The following FN1 variants were observed in gnomAD, a reference collection of about 807,000 sequenced individuals.
FN1 encodes fibronectin 1.
Under a neutral mutation model 297.3 loss-of-function variants are expected in FN1, and 106 were observed. That is an observed-to-expected ratio of 0.36 (90% CI 0.30 to 0.42). The LOEUF is 0.42. Among genes scored for constraint, FN1 ranks in the 10% least tolerant of loss-of-function variants. The probability of loss-of-function intolerance (pLI) is 1.00; values close to 1 mark genes in which losing one functional copy is unlikely to be tolerated. For missense variants in FN1, 2,690 were observed against 3,124.9 expected (o/e 0.86, Z 3.32); for synonymous variants, 1,149 against 1,152.6 (o/e 1.00, Z 0.06).
intron 36 of FN1, among the ~76,000 whole-genome samples, chr2:215,376,024 T>C (rs138371793): frequency 6.6e-6 from 1 of 152,206 alleles, no homozygotes; most frequent in African/African-American, 2.4e-5. Flanking sequence ...AGGTTTTCTC[T>C]TTACCGTAAT....
At chr2:215,414,602 C>A (rs2063165605) in intron 13 of FN1, 1 of 987,686 alleles carries the variant, frequency 1.0e-6, no homozygotes, top group Non-Finnish European at 1.4e-6. Flanking sequence ...CTAAATTCTT[C>A]CAAATACCAG....
Position 215,431,916 on chromosome 2 carries a change from C to T in FN1, c.464G>A (p.Arg155Lys). The T allele has an allele frequency of 6.2e-7, 1 of 1,614,158 alleles. No individual in the cohort carries two copies. Among genetic ancestry groups the T allele is most frequent in the Non-Finnish European group, 8.5e-7 (1 of 1,179,988 alleles). ...GQSYKIGDTW[R>K]RPHETGGYML... The stretch of plus-strand genomic sequence containing the variant: ...GTAACCACCAGTCTCATGTGGTCTC[C>T]TCCAGGTGTCACCAATCTTGTAGGA... Residue 155 changes from arginine to lysine, a missense_variant, in exon 4 of 46, where the codon AGG becomes AAG. Arg to Lys is a conservative substitution (Grantham distance 26). Coordinates refer to ENST00000354785, the MANE Select transcript of FN1 (RefSeq NM_212482.4).
rs73091322 is a variant in FN1 at position 215,425,535 on chromosome 2, T to C, written c.845-250A>G. 8.3e-3 allele frequency among the ~76,000 whole-genome samples: 1,263 copies of C among 152,216 alleles called. 18 individuals are homozygous for C. The highest frequency in any genetic ancestry group is 0.029 in the African/African-American group (1,215 of 41,536). ...GGGGCTACTGGGATTATATTTCTTT[T>C]TGTTTGTTTGTTTTTTGGTTTTTTG... is the stretch of plus-strand genomic sequence containing the variant. On this transcript the variant is annotated intron_variant, in intron 6 of 45. Coordinates refer to ENST00000354785, the MANE Select transcript of FN1 (RefSeq NM_212482.4).
intron 13 of FN1, among the ~76,000 whole-genome samples, chr2:215,412,278 G>A (rs2062767447): frequency 6.6e-6 from 1 of 151,638 alleles, no homozygotes; most frequent in Non-Finnish European, 1.5e-5. Context: ...TTGAGCCAAT[G>A]AGAAAGACAC....
chr2:215,417,295 AGAT>A (rs1162109194), intron 12 of FN1, among the ~76,000 whole-genome samples: 3 of 152,220 alleles, frequency 2.0e-5, no homozygotes, highest in African/African-American at 2.4e-5. Context: ...AAAATAGTTG[AGAT>A]GATACCAAAA....
rs2059899275 is a variant in FN1, at chr2:215,393,119, G to A, written c.3881C>T (p.Thr1294Ile). 6.2e-7 allele frequency: 1 copy of A among 1,614,068 alleles called. No homozygotes were observed. The highest frequency in any genetic ancestry group is 1.1e-5 in the South Asian group (1 of 91,078). The change falls in exon 25 of 46, where the codon ACC (threonine) becomes ATC (isoleucine). Residue 1294 changes from threonine to isoleucine, a missense_variant. Around this residue, in one of 3 missense-constraint regions of FN1, gnomAD observed 1,743 missense variants for 1,945.2 expected, o/e 0.90. Transcript: ENST00000354785. ...TACTGTGATGCGGTACCCAATAATG[G>A]TGGAAGAGTTTAGCGGGGTCCACCT... ...GLRWTPLNSS[T>I]IIGYRITVVA...
At position 215,361,171 on chromosome 2, in the gene FN1, G is replaced by A. The variant is rs761319819; in HGVS notation, c.*384C>T. 1.3e-4 allele frequency: 32 copies of A among 244,376 alleles called. No homozygotes were observed. Among genetic ancestry groups the A allele is most frequent in the African/African-American group, 6.3e-4 (28 of 44,614 alleles). The allele number at this position is 244,376 out of a possible 1,614,324, so 15.1% of individuals were successfully genotyped here. On this transcript the variant is annotated 3_prime_UTR_variant, in exon 46 of 46. Transcript: ENST00000354785. ...ACAGTATTGCGGGCCAGACACTTAA[G>A]TGAAAGCAGAAGTGTTTGGGTGACT...
chr2:215,425,722 T>G (rs961038715), intron 6 of FN1, among the ~76,000 whole-genome samples: 1 of 151,928 alleles, frequency 6.6e-6, no homozygotes, highest in African/African-American at 2.4e-5. Context: ...CCAGCTGATT[T>G]TTTTTGTATT....
intron 18 of FN1, 30 bp from the exon 19 acceptor site, chr2:215,406,540 C>T: frequency 1.2e-6 from 2 of 1,610,282 alleles, no homozygotes; most frequent in Non-Finnish European, 1.7e-6. Flanking sequence ...TGGTCATTCA[C>T]ATTCTCTGCT....
rs1431339254 is a variant in FN1, at chr2:215,378,292, G to A, written c.5623-30C>T. 3.2e-6 allele frequency: 4 copies of A among 1,252,900 alleles called. No homozygotes were observed. In the East Asian group the frequency reaches 6.9e-5, roughly 22 times the overall value. The allele number at this position is 1,252,900 out of a possible 1,614,324, so 77.6% of individuals were successfully genotyped here. A position where few individuals can be genotyped will look rare whatever the true frequency, so the allele number is the denominator to read the frequency against. On this transcript the variant is annotated intron_variant, in intron 34 of 45. Transcript: ENST00000354785. Reference sequence around the variant, plus strand: ...AGAAATAAGGGCATGGTGAGCTTTAGCAACGTCCTCAACTGAAACCCAAGG... The same window carrying A: ...AGAAATAAGGGCATGGTGAGCTTTAACAACGTCCTCAACTGAAACCCAAGG...
rs543736737 is a variant in FN1, at chr2:215,414,036, C to T, written c.1941+801G>A. 8.5e-5 allele frequency among the ~76,000 whole-genome samples: 13 copies of T among 152,114 alleles called. No homozygotes were observed. The East Asian group carries it at 1.5e-3, about 18-fold the overall frequency. On this transcript the variant is annotated intron_variant, in intron 13 of 45. Transcript: ENST00000354785. ...TTTTCCTGAAGAGTTTAAATTTAAC[C>T]GCCTGGGTTGGTCAAATTTTGTTTG...
intron 35 of FN1, among the ~76,000 whole-genome samples, chr2:215,377,667 T>G (rs974258500): frequency 1.3e-5 from 2 of 152,232 alleles, no homozygotes; most frequent in Non-Finnish European, 2.9e-5. Flanking sequence ...GTCTCCGGTA[T>G]TTCTTTATAG....
At chr2:215,370,510 C>A in intron 40 of FN1, 78 bp from the exon 41 acceptor site, 1 of 1,209,178 alleles carries the variant, frequency 8.3e-7, no homozygotes, top group Non-Finnish European at 1.2e-6. Context: ...TTACCAATAA[C>A]CCTCACTGTT....
At chr2:215,379,616 T>G in intron 33 of FN1, 1 of 304,460 alleles carries the variant, frequency 3.3e-6, no homozygotes, top group Non-Finnish European at 6.2e-6. Context: ...AAAAAAAAGT[T>G]ACATTGGCTT....
chr2:215,405,369 T>C (rs2061643855), intron 19 of FN1, among the ~76,000 whole-genome samples: 1 of 152,212 alleles, frequency 6.6e-6, no homozygotes, highest in South Asian at 2.1e-4. Flanking sequence ...GCCAGCTCTA[T>C]CCCTTCCTAT....
At chr2:215,401,851 C>T (rs1386797919) in intron 20 of FN1, among the ~76,000 whole-genome samples, 1 of 151,048 alleles carries the variant, frequency 6.6e-6, no homozygotes, top group Non-Finnish European at 1.5e-5. Flanking sequence ...TGGGCCACTT[C>T]ATAATGATAG....
At chr2:215,418,383 T>C (rs1250270) in intron 12 of FN1, among the ~76,000 whole-genome samples, 143,647 of 152,258 alleles carry the variant, frequency 0.94, 67,953 homozygotes, top group East Asian at 1. Context: ...TCTGTCACAG[T>C]GAATCTTTTA....
At chr2:215,425,834 A>T (rs1204201268) in intron 6 of FN1, among the ~76,000 whole-genome samples, 1 of 152,112 alleles carries the variant, frequency 6.6e-6, no homozygotes, top group African/African-American at 2.4e-5. Flanking sequence ...GGCCTCCCAA[A>T]GTGCTGGGAT....
intron 44 of FN1, chr2:215,362,317 T>C (rs567352724): frequency 3.9e-6 from 2 of 519,202 alleles, no homozygotes; most frequent in East Asian, 7.2e-5. Flanking sequence ...TCCTGAAATG[T>C]CTCTTCTCTT....
Sources: gnomAD v4.1 joint callset for allele counts (sites outside exome capture counted in the v4.1 genomes callset) on GRCh38, gnomAD v4.1.1 for gene constraint, gnomAD v4.1.1 regional missense constraint, MANE v1.5 for transcripts, NCBI Gene and HGNC (gene_info 2026-07-23, HGNC 2026-07-21) for gene names.